OPCML: variants seen among roughly 807,000 people sequenced by gnomAD.
OPCML encodes opioid binding protein/cell adhesion molecule like, also known as opioid-binding protein/cell adhesion molecule.
In OPCML, 13 loss-of-function variants were observed where a neutral mutation model predicts 37.8. That is an observed-to-expected ratio of 0.34 (90% CI 0.22 to 0.55). The LOEUF (loss-of-function observed/expected upper bound fraction) is 0.55, where lower values mean the gene tolerates loss of function less well. Among genes scored for constraint, OPCML ranks in the 20% least tolerant of loss-of-function variants. The probability of loss-of-function intolerance (pLI) is 0.91; values close to 1 mark genes in which losing one functional copy is unlikely to be tolerated. For missense variants in OPCML, 341 were observed against 435.6 expected, an observed-to-expected ratio of 0.78 and a Z score of 1.93; for synonymous variants, 176 against 168.8, an observed-to-expected ratio of 1.04 and a Z score of -0.33.
intron 1 of OPCML, among the ~76,000 whole-genome samples, chr11:133,318,317 T>G (rs919783408): frequency 5.9e-5 from 9 of 152,168 alleles, no homozygotes; most frequent in African/African-American, 2.2e-4. Flanking sequence ...GCAAAGTCAG[T>G]TTACGAAGAA....
At chr11:132,894,199 G>T (rs1424030243) in intron 2 of OPCML, among the ~76,000 whole-genome samples, 1 of 152,106 alleles carries the variant, frequency 6.6e-6, no homozygotes, top group Non-Finnish European at 1.5e-5. Flanking sequence ...GTTACACTAG[G>T]TCTTTTATCA....
intron 1 of OPCML, among the ~76,000 whole-genome samples, chr11:133,355,632 C>T (rs1456260753): frequency 1.3e-5 from 2 of 152,186 alleles, no homozygotes; most frequent in Non-Finnish European, 2.9e-5. Flanking sequence ...TCTCCCAACC[C>T]TCAGCCCAGT....
At chr11:133,018,400 CT>C (rs1419728307) in intron 1 of OPCML, among the ~76,000 whole-genome samples, 1 of 151,856 alleles carries the variant, frequency 6.6e-6, no homozygotes, top group Non-Finnish European at 1.5e-5. Flanking sequence ...CCTTTTTATT[CT>C]TCCTTTCCTT....
At chr11:132,721,886 T>G (rs1181241275) in intron 2 of OPCML, among the ~76,000 whole-genome samples, 5 of 151,944 alleles carry the variant, frequency 3.3e-5, no homozygotes, top group African/African-American at 9.7e-5. Flanking sequence ...ACTATTTGGA[T>G]TTCCTTTTAA....
At chr11:133,331,970 A>T (rs914389742) in intron 1 of OPCML, among the ~76,000 whole-genome samples, 2 of 152,082 alleles carry the variant, frequency 1.3e-5, no homozygotes, top group African/African-American at 2.4e-5. Context: ...TTTTGTGAAG[A>T]GTGTCATTCG....
chr11:133,148,810 G>A (rs1949934249), intron 1 of OPCML, among the ~76,000 whole-genome samples: 1 of 152,164 alleles, frequency 6.6e-6, no homozygotes, highest in African/African-American at 2.4e-5. Flanking sequence ...AGCACAGCAT[G>A]TTTTCCACCC....
rs1466663066 is a variant in OPCML at position 133,159,456 on chromosome 11, C to T, written c.62-216446G>A. 2.0e-5 allele frequency among the ~76,000 whole-genome samples: 3 copies of T among 152,174 alleles called. 1 individual carries two copies. Among genetic ancestry groups the T allele is most frequent in the Admixed American group, 6.5e-5 (1 of 15,284 alleles). On this transcript the variant is annotated intron_variant, in intron 1 of 7. Coordinates refer to ENST00000524381, the MANE Select transcript of OPCML (RefSeq NM_001012393.5). ...ACAGGGTATTTGCTCTGCACCAAGA[C>T]TGACAGAGGGGCCACTAAATGGCAG...
intron 2 of OPCML, among the ~76,000 whole-genome samples, chr11:132,767,320 C>T (rs1331239352): frequency 2.6e-5 from 4 of 152,124 alleles, no homozygotes; most frequent in Non-Finnish European, 5.9e-5. Flanking sequence ...TGCATGCTCA[C>T]GTGTGTTAGT....
chr11:133,508,982 T>G (rs1422564293), intron 1 of OPCML, among the ~76,000 whole-genome samples: 1 of 152,164 alleles, frequency 6.6e-6, no homozygotes, highest in Non-Finnish European at 1.5e-5. Context: ...GTTCGTTTTT[T>G]TTTTTAAATT....
intron 4 of OPCML, among the ~76,000 whole-genome samples, chr11:132,459,501 T>A (rs911241080): frequency 6.8e-6 from 1 of 146,622 alleles, no homozygotes; most frequent in Non-Finnish European, 1.5e-5. Context: ...TATATATCTA[T>A]ATAGAGAATA....
intron 2 of OPCML, among the ~76,000 whole-genome samples, chr11:132,731,919 G>T (rs879935587): frequency 1.3e-5 from 2 of 152,132 alleles, no homozygotes; most frequent in Non-Finnish European, 2.9e-5. Flanking sequence ...GGTATGAAAG[G>T]TGAGGTTGGA....
At chr11:133,039,812 G>A (rs891734379) in intron 1 of OPCML, among the ~76,000 whole-genome samples, 5 of 152,176 alleles carry the variant, frequency 3.3e-5, no homozygotes, top group South Asian at 2.1e-4. Context: ...GGCACATCAC[G>A]AGGTCAGGAG....
At chr11:132,942,152 T>C (rs1037544548) in intron 2 of OPCML, among the ~76,000 whole-genome samples, 4 of 152,202 alleles carry the variant, frequency 2.6e-5, no homozygotes, top group African/African-American at 9.7e-5. Flanking sequence ...AAGTGGTGGC[T>C]GCATTTTTAT....
chr11:132,678,385 C>A (rs1942801192), intron 2 of OPCML, among the ~76,000 whole-genome samples: 1 of 152,146 alleles, frequency 6.6e-6, no homozygotes, highest in Admixed American at 6.5e-5. Flanking sequence ...CAACAAATGT[C>A]CTTTTTACTA....
intron 2 of OPCML, among the ~76,000 whole-genome samples, chr11:132,929,134 G>A (rs1945100306): frequency 6.7e-6 from 1 of 149,950 alleles, no homozygotes; most frequent in Non-Finnish European, 1.5e-5. Flanking sequence ...ATAGAGAATG[G>A]GAAAATAGAA....
intron 3 of OPCML, among the ~76,000 whole-genome samples, chr11:132,582,294 T>A (rs1400566322): frequency 6.6e-6 from 1 of 151,922 alleles, no homozygotes; most frequent in East Asian, 1.9e-4. Flanking sequence ...TGAAAGGACA[T>A]TGAAAGAAAG....
intron 1 of OPCML, among the ~76,000 whole-genome samples, chr11:133,515,981 T>C (rs1196413651): frequency 6.6e-6 from 1 of 152,054 alleles, no homozygotes; most frequent in African/African-American, 2.4e-5. Flanking sequence ...AGTCTGGCGC[T>C]GGCTCCCATG....
intron 2 of OPCML, among the ~76,000 whole-genome samples, chr11:132,706,431 AC>A (rs1458586893): frequency 2.6e-5 from 4 of 152,158 alleles, no homozygotes; most frequent in African/African-American, 4.8e-5. Context: ...GATTCCCCCT[AC>A]CAGGCACAAC....
At chr11:133,489,619 C>G (rs181431803) in intron 1 of OPCML, among the ~76,000 whole-genome samples, 26 of 152,226 alleles carry the variant, frequency 1.7e-4, no homozygotes, top group African/African-American at 6.3e-4. Flanking sequence ...TGCTTATACA[C>G]TGTTGGCGGA....
Sources: allele counts gnomAD v4.1 joint callset (sites outside exome capture counted in the v4.1 genomes callset), GRCh38; gene constraint gnomAD v4.1.1; transcripts MANE v1.5; gene names NCBI Gene and HGNC (gene_info 2026-07-23, HGNC 2026-07-21).